The following CDK8 variants were observed in gnomAD, a reference collection of about 807,000 sequenced individuals.
CDK8 encodes cyclin dependent kinase 8.
In CDK8, 29 loss-of-function variants were observed where a neutral mutation model predicts 71.5. The ratio of observed to expected loss-of-function variants is 0.41; its 90% CI spans 0.30 to 0.55. The LOEUF (loss-of-function observed/expected upper bound fraction) is 0.55, where lower values mean the gene tolerates loss of function less well. Ranked by LOEUF, CDK8 falls within the 20% of genes least tolerant of loss-of-function variation. The pLI, the probability that CDK8 is intolerant of heterozygous loss-of-function variation, is 0.37. For missense variants in CDK8, 288 were observed against 572.6 expected, an observed-to-expected ratio of 0.50 and a Z score of 5.07; for synonymous variants, 161 against 192.1, an observed-to-expected ratio of 0.84 and a Z score of 1.34.
At chr13:26,315,852 A>G (rs1874485725) in intron 1 of CDK8, among the ~76,000 whole-genome samples, 1 of 152,212 alleles carries the variant, frequency 6.6e-6, no homozygotes. Flanking sequence ...AGCACCAGGA[A>G]CTTGTCTCTT....
intron 4 of CDK8, among the ~76,000 whole-genome samples, chr13:26,373,011 G>T (rs1308465758): frequency 6.6e-6 from 1 of 152,036 alleles, no homozygotes; most frequent in Non-Finnish European, 1.5e-5. Flanking sequence ...AATAAACCCA[G>T]GTATTTACCA....
At chr13:26,313,527 C>T (rs903819188) in intron 1 of CDK8, among the ~76,000 whole-genome samples, 7 of 152,138 alleles carry the variant, frequency 4.6e-5, no homozygotes, top group Non-Finnish European at 8.8e-5. Context: ...TAAATAGTGT[C>T]TAGTAGTTTA....
chr13:26,361,784 CTTTTTTTTTTTTTTTTTTT>C (rs553508554), intron 4 of CDK8, among the ~76,000 whole-genome samples: 1 of 63,306 alleles, frequency 1.6e-5, no homozygotes, highest in African/African-American at 7.0e-5. Flanking sequence ...TTTCTTTTCC[CTTTTTTTTTTTTTTTTTTT>C]TTTTTTTTTT....
intron 4 of CDK8, among the ~76,000 whole-genome samples, chr13:26,354,350 T>G (rs1300668144): frequency 6.6e-6 from 1 of 152,226 alleles, no homozygotes; most frequent in African/African-American, 2.4e-5. Flanking sequence ...TAATCATAAT[T>G]GAAGTATATT....
chr13:26,327,662 C>T (rs896985317), intron 1 of CDK8, among the ~76,000 whole-genome samples: 1 of 152,074 alleles, frequency 6.6e-6, no homozygotes, highest in Non-Finnish European at 1.5e-5. Flanking sequence ...AACCCTGTCT[C>T]TACTACAGAT....
At chr13:26,358,307 A>G (rs573887960) in intron 4 of CDK8, among the ~76,000 whole-genome samples, 1 of 152,222 alleles carries the variant, frequency 6.6e-6, no homozygotes, top group Non-Finnish European at 1.5e-5. Flanking sequence ...TCAAAAAAAA[A>G]TAAAAAATAA....
At chr13:26,366,873 T>C (rs969028065) in intron 4 of CDK8, among the ~76,000 whole-genome samples, 15 of 152,194 alleles carry the variant, frequency 9.9e-5, no homozygotes, top group African/African-American at 3.4e-4. Flanking sequence ...GATCATTTTT[T>C]GTTTTCCCTA....
chr13:26,335,922 A>ACAG (rs1872959111), intron 1 of CDK8, among the ~76,000 whole-genome samples: 1 of 54,726 alleles, frequency 1.8e-5, no homozygotes, highest in Non-Finnish European at 4.3e-5. Flanking sequence ...CTCTTGCTTA[A>ACAG]CAACAACAAC....
intron 1 of CDK8, among the ~76,000 whole-genome samples, chr13:26,271,179 T>A (rs1039600452): frequency 2.0e-5 from 3 of 152,226 alleles, no homozygotes; most frequent in African/African-American, 7.2e-5. Context: ...TAGTTAGTTG[T>A]AGGAGTTCTT....
At chr13:26,365,849 ATGGTGACCCCTCAGTTTT>A (rs1297004816) in intron 4 of CDK8, among the ~76,000 whole-genome samples, 2 of 152,104 alleles carry the variant, frequency 1.3e-5, no homozygotes, top group African/African-American at 4.8e-5. Context: ...TACGATATTA[ATGGTGACCCCTCAGTTTT>A]TCTCTTTTGA....
chr13:26,289,150 G>A (rs953311433), intron 1 of CDK8, among the ~76,000 whole-genome samples: 1 of 149,520 alleles, frequency 6.7e-6, no homozygotes. Flanking sequence ...TGCCTTCCGG[G>A]TTCAAGCAGT....
rs1876454319 is a variant in CDK8, at chr13:26,405,235, A to G, written c.*1154A>G. On this transcript the variant is annotated 3_prime_UTR_variant, in exon 13 of 13. Transcript: ENST00000381527. Reference sequence around the variant, plus strand: ...GTAATAAATTTATTTTTCATAAATCAAAACATGGAGTCAGCTGTCTTTTTT... The same window carrying G: ...GTAATAAATTTATTTTTCATAAATCGAAACATGGAGTCAGCTGTCTTTTTT... 6.0e-6 allele frequency: 1 copy of G among 167,684 alleles called. No homozygotes were observed. The highest frequency in any genetic ancestry group is 2.4e-5 in the African/African-American group (1 of 41,976). The allele number at this position is 167,684 out of a possible 1,614,324, so 10.4% of individuals were successfully genotyped here.
intron 1 of CDK8, among the ~76,000 whole-genome samples, chr13:26,291,197 G>A (rs188395311): frequency 3.9e-5 from 6 of 152,110 alleles, no homozygotes; most frequent in South Asian, 4.2e-4. Flanking sequence ...GTAACATGGT[G>A]TACAGGTTTG....
chr13:26,323,497 A>G (rs1334180839), intron 1 of CDK8, among the ~76,000 whole-genome samples: 1 of 152,040 alleles, frequency 6.6e-6, no homozygotes, highest in African/African-American at 2.4e-5. Flanking sequence ...AAATACCATC[A>G]CATTGTGGGT....
intron 6 of CDK8, among the ~76,000 whole-genome samples, chr13:26,387,650 G>T (rs140273197): frequency 6.6e-6 from 1 of 152,024 alleles, no homozygotes; most frequent in Non-Finnish European, 1.5e-5. Context: ...CAAAATCTTC[G>T]CAGCATTGTA....
At chr13:26,381,771 G>A (rs1299731969) in intron 4 of CDK8, among the ~76,000 whole-genome samples, 1 of 151,326 alleles carries the variant, frequency 6.6e-6, no homozygotes, top group Non-Finnish European at 1.5e-5. Flanking sequence ...TTTTTGGCTG[G>A]GAATAACTAT....
chr13:26,354,201 A>G (rs528758138), intron 4 of CDK8, among the ~76,000 whole-genome samples: 2 of 152,340 alleles, frequency 1.3e-5, no homozygotes, highest in African/African-American at 4.8e-5. Flanking sequence ...AGAAATTTAT[A>G]TATTTATAAT....
chr13:26,272,186 T>C (rs1872358914), intron 1 of CDK8, among the ~76,000 whole-genome samples: 1 of 152,056 alleles, frequency 6.6e-6, no homozygotes, highest in South Asian at 2.1e-4. Flanking sequence ...TTCTGTAAGC[T>C]TTTTTCTATT....
chr13:26,295,929 A>G (rs763423030), intron 1 of CDK8, among the ~76,000 whole-genome samples: 18 of 152,088 alleles, frequency 1.2e-4, no homozygotes, highest in Non-Finnish European at 2.4e-4. Context: ...CTTTTGTATC[A>G]TGGTCGTTTG....
Sources: allele counts gnomAD v4.1 joint callset (sites outside exome capture counted in the v4.1 genomes callset), GRCh38; gene constraint gnomAD v4.1.1; transcripts MANE v1.5; gene names NCBI Gene and HGNC (gene_info 2026-07-23, HGNC 2026-07-21).